The following DNAH5 variants were observed in gnomAD, a reference collection of about 807,000 sequenced individuals.
The protein encoded by DNAH5 is axonemal beta dynein heavy chain 5.
In DNAH5, 372 loss-of-function variants were observed where a neutral mutation model predicts 518.2. That is an observed-to-expected ratio of 0.72 (90% CI 0.66 to 0.78). The LOEUF (loss-of-function observed/expected upper bound fraction) is 0.78, where lower values mean the gene tolerates loss of function less well. Ranked by LOEUF, DNAH5 falls within the 30% of genes least tolerant of loss-of-function variation. The probability of loss-of-function intolerance (pLI) is 0.00; values close to 1 mark genes in which losing one functional copy is unlikely to be tolerated. For missense variants in DNAH5, 5,523 were observed against 5,687.0 expected, an observed-to-expected ratio of 0.97 and a Z score of 0.93; for synonymous variants, 2,039 against 2,025.9, an observed-to-expected ratio of 1.01 and a Z score of -0.17.
chr5:13,709,899 G>A (rs1169383641), intron 75 of DNAH5, among the ~76,000 whole-genome samples: 1 of 152,114 alleles, frequency 6.6e-6, no homozygotes, highest in Non-Finnish European at 1.5e-5. Context: ...GAAGACAAAC[G>A]GCATATAATC....
chr5:13,904,432 A>T (rs943101391), intron 12 of DNAH5, among the ~76,000 whole-genome samples: 1 of 148,452 alleles, frequency 6.7e-6, no homozygotes, highest in African/African-American at 2.4e-5. Context: ...TATGGATTTT[A>T]TATATATGTG....
intron 15 of DNAH5, among the ~76,000 whole-genome samples, chr5:13,895,770 C>T (rs774554042): frequency 5.3e-5 from 8 of 152,182 alleles, no homozygotes; most frequent in Non-Finnish European, 8.8e-5. Context: ...AAAGTTTCCA[C>T]ATCAATATAT....
At chr5:13,968,355 T>A (rs1318371903) in intron 1 of DNAH5, among the ~76,000 whole-genome samples, 1 of 152,206 alleles carries the variant, frequency 6.6e-6, no homozygotes, top group African/African-American at 2.4e-5. Flanking sequence ...CTATGTTGAA[T>A]AGAAGTGGTG....
intron 69 of DNAH5, 63 bp downstream of exon 69, chr5:13,729,376 T>C (rs934947989): frequency 6.2e-7 from 1 of 1,602,534 alleles, no homozygotes; most frequent in Non-Finnish European, 8.5e-7. Context: ...ATATTGTACC[T>C]AGTGATAAAT....
At chr5:13,838,229 C>T (rs6867165) in intron 35 of DNAH5, among the ~76,000 whole-genome samples, 2 of 152,238 alleles carry the variant, frequency 1.3e-5, no homozygotes, top group South Asian at 2.1e-4. Context: ...CCTGCAAGCA[C>T]CCTTAGAGAC....
intron 78 of DNAH5, among the ~76,000 whole-genome samples, chr5:13,695,495 AG>A (rs1741247370): frequency 6.6e-6 from 1 of 152,152 alleles, no homozygotes; most frequent in African/African-American, 2.4e-5. Context: ...AGGAACTACG[AG>A]GACATGTAAA....
At chr5:13,855,433 C>T (rs1304162562) in intron 30 of DNAH5, among the ~76,000 whole-genome samples, 1 of 130,428 alleles carries the variant, frequency 7.7e-6, no homozygotes, top group Non-Finnish European at 1.7e-5. Context: ...TGGTCTCGAT[C>T]TCCTGACCTC....
At chr5:13,898,254 C>T (rs887662555) in intron 15 of DNAH5, 34 of 267,676 alleles carry the variant, frequency 1.3e-4, no homozygotes, top group East Asian at 3.4e-4. Flanking sequence ...AACCCTACAA[C>T]GTGCTTACAA....
rs1428397782 is a variant in DNAH5, at chr5:13,829,596, C to A, written c.6358G>T (p.Ala2120Ser). Residue 2120 changes from alanine (A) to serine (S), a missense_variant, in exon 38 of 79, where the codon GCT (alanine) becomes TCT (serine). This residue lies in a region of DNAH5 where 5,121 missense variants were observed against 5,223.3 expected (regional missense o/e 0.98). Transcript: ENST00000265104. The part of the protein sequence containing the change: ...DRQIIIRVKL[A>S]SCGFIDNVVL... ...ACGTTGTCAATGAAGCCACAACTAG[C>A]CAACTTCACCCTTATGATAATCTGA... is the stretch of plus-strand genomic sequence containing the variant. The A allele has an allele frequency of 8.7e-6, 14 of 1,614,096 alleles. No homozygotes were observed. The highest frequency in any genetic ancestry group is 1.1e-5 in the Non-Finnish European group (13 of 1,180,050).
At chr5:13,694,810 T>C (rs1218092235) in intron 78 of DNAH5, among the ~76,000 whole-genome samples, 2 of 152,244 alleles carry the variant, frequency 1.3e-5, no homozygotes, top group East Asian at 1.9e-4. Context: ...ACACTATTTC[T>C]TTCAATCCTT....
intron 1 of DNAH5, among the ~76,000 whole-genome samples, chr5:13,939,353 T>G (rs1253545216): frequency 6.6e-6 from 1 of 152,188 alleles, no homozygotes; most frequent in Non-Finnish European, 1.5e-5. Flanking sequence ...CATAAGTGAC[T>G]ACACAGAATT....
intron 17 of DNAH5, among the ~76,000 whole-genome samples, chr5:13,889,640 C>G (rs1772915914): frequency 6.6e-6 from 1 of 152,188 alleles, no homozygotes; most frequent in African/African-American, 2.4e-5. Flanking sequence ...GTCTGGAATT[C>G]TGGTCCATGC....
intron 65 of DNAH5, among the ~76,000 whole-genome samples, chr5:13,743,727 C>T (rs372510246): frequency 4.6e-5 from 7 of 151,908 alleles, no homozygotes; most frequent in African/African-American, 7.2e-5. Context: ...CATTAATGGT[C>T]GGGGAAATGC....
Position 13,811,683 on chromosome 5 carries a change from C to T in DNAH5, c.7371G>A (p.Gln2457=). 1 of 1,614,122 alleles carries T rather than the reference C, an allele frequency of 6.2e-7. No individual in the cohort carries two copies. Among genetic ancestry groups the T allele is most frequent in the South Asian group, 1.1e-5 (1 of 91,078 alleles). Residue 2457 remains glutamine (Q), a synonymous_variant, in exon 44 of 79, where the codon CAG becomes CAA. Coordinates refer to ENST00000265104, the MANE Select transcript of DNAH5 (RefSeq NM_001369.3). ...MEVLEAFVIT[Q]SINMLQGLIP... ...TCAGGCCTTGAAGCATGTTAATGCTCTGTGTGATGACAAAGGCCTCCAGCA... is the reference window on the plus strand; with the variant it reads ...TCAGGCCTTGAAGCATGTTAATGCTTTGTGTGATGACAAAGGCCTCCAGCA...
At chr5:13,801,677 T>C (rs9885366) in intron 47 of DNAH5, among the ~76,000 whole-genome samples, 66,170 of 151,906 alleles carry the variant, frequency 0.44, 14,836 homozygotes, top group East Asian at 0.62. Context: ...ACAGCCAGAA[T>C]GAGCTTTCTA....
intron 47 of DNAH5, 143 bp from the exon 48 acceptor site, chr5:13,794,201 A>G (rs1757477772): frequency 3.9e-6 from 4 of 1,018,492 alleles, no homozygotes; most frequent in Non-Finnish European, 5.8e-6. Flanking sequence ...TAATTCTAAC[A>G]AATTCTAAAG....
At position 13,691,729 on chromosome 5, in the gene DNAH5, G is replaced by T; in HGVS notation, c.*255C>A. The T allele has an allele frequency of 2.1e-6, 1 of 482,220 alleles. No homozygotes were observed. Among genetic ancestry groups the T allele is most frequent in the Non-Finnish European group, 3.8e-6 (1 of 265,754 alleles). The allele number at this position is 482,220 out of a possible 1,614,324, so 29.9% of individuals were successfully genotyped here. A position where few individuals can be genotyped will look rare whatever the true frequency, so the allele number is the denominator to read the frequency against. On this transcript the variant is annotated 3_prime_UTR_variant, in exon 79 of 79. Coordinates refer to ENST00000265104, the MANE Select transcript of DNAH5 (RefSeq NM_001369.3). ...GAAAATATACTACTGTGGATTTGAG[G>T]GCCACACTTCATTAGGATGCTGTAA... is the stretch of plus-strand genomic sequence containing the variant.
At chr5:14,010,051 A>G (rs907162833) in intron 1 of DNAH5, among the ~76,000 whole-genome samples, 1 of 152,122 alleles carries the variant, frequency 6.6e-6, no homozygotes, top group South Asian at 2.1e-4. Context: ...ATGTCCTTTT[A>G]TTCTGCTTTC....
At chr5:13,886,619 T>C (rs1772476362) in intron 17 of DNAH5, among the ~76,000 whole-genome samples, 1 of 152,172 alleles carries the variant, frequency 6.6e-6, no homozygotes. Flanking sequence ...TGGAGGAGAT[T>C]AGGTAGACAG....
Sources: gnomAD v4.1 joint callset for allele counts (sites outside exome capture counted in the v4.1 genomes callset) on GRCh38, gnomAD v4.1.1 for gene constraint, gnomAD v4.1.1 regional missense constraint, MANE v1.5 for transcripts, NCBI Gene and HGNC (gene_info 2026-07-23, HGNC 2026-07-21) for gene names.